Variants in SLC26A7 observed in about 807,000 individuals in gnomAD.
SLC26A7 encodes solute carrier family 26 member 7.
A neutral mutation model predicts 82.5 loss-of-function variants in SLC26A7; 59 were observed. That is an observed-to-expected ratio of 0.72 (90% CI 0.58 to 0.89). The LOEUF (loss-of-function observed/expected upper bound fraction) is 0.89, where lower values mean the gene tolerates loss of function less well. Ranked by LOEUF, SLC26A7 falls within the 40% of genes least tolerant of loss-of-function variation. The pLI, the probability that SLC26A7 is intolerant of heterozygous loss-of-function variation, is 0.00. For synonymous variants in SLC26A7, 271 were observed against 274.3 expected (o/e 0.99, Z 0.12); for missense variants, 820 against 793.0 (o/e 1.03, Z -0.41).
At chr8:91,225,407 G>A (rs1455143279) in intron 2 of SLC26A7, among the ~76,000 whole-genome samples, 1 of 152,010 alleles carries the variant, frequency 6.6e-6, no homozygotes, top group African/African-American at 2.4e-5. Context: ...CTTCTCTGGT[G>A]GGAGGGGATT....
intron 2 of SLC26A7, among the ~76,000 whole-genome samples, chr8:91,255,135 G>A (rs1810766060): frequency 1.3e-5 from 2 of 152,058 alleles, no homozygotes; most frequent in Non-Finnish European, 1.5e-5. Context: ...GCACTGGGGT[G>A]GAATATGAGA....
At chr8:91,218,909 A>C (rs1223740603) in exon 2 of SLC26A7, 1 of 1,549,748 alleles carries the variant, frequency 6.5e-7, no homozygotes. Flanking sequence ...ATAAGCAAGA[A>C]TCTGAAGCTG....
chr8:91,302,086 A>C (rs1439825697), intron 4 of SLC26A7, among the ~76,000 whole-genome samples: 4 of 151,972 alleles, frequency 2.6e-5, no homozygotes, highest in Non-Finnish European at 4.4e-5. Flanking sequence ...AGTTTATGTT[A>C]CCTAATTTAC....
intron 2 of SLC26A7, among the ~76,000 whole-genome samples, chr8:91,227,479 A>C (rs1468012953): frequency 2.0e-5 from 3 of 152,296 alleles, no homozygotes; most frequent in African/African-American, 7.2e-5. Flanking sequence ...AGTTATTAAG[A>C]GTAATTCAAA....
chr8:91,354,895 C>A (rs1241467574), intron 11 of SLC26A7, among the ~76,000 whole-genome samples: 1 of 151,762 alleles, frequency 6.6e-6, no homozygotes, highest in African/African-American at 2.4e-5. Flanking sequence ...TTAGTGGTTA[C>A]CTTTAATCTT....
intron 2 of SLC26A7, among the ~76,000 whole-genome samples, chr8:91,232,301 G>C (rs1810320304): frequency 6.6e-6 from 1 of 152,000 alleles, no homozygotes; most frequent in Non-Finnish European, 1.5e-5. Context: ...TTATGAATGA[G>C]AATTCTAATA....
At chr8:91,394,942 A>C (rs1808528788) in intron 18 of SLC26A7, 120 bp from the exon 19 acceptor site, 1 of 1,182,796 alleles carries the variant, frequency 8.5e-7, no homozygotes, top group African/African-American at 1.5e-5. Flanking sequence ...GCCTCATAAA[A>C]GGTTCATTTT....
intron 9 of SLC26A7, among the ~76,000 whole-genome samples, chr8:91,351,448 A>G (rs776644935): frequency 7.2e-5 from 11 of 152,298 alleles, no homozygotes; most frequent in Non-Finnish European, 1.2e-4. Flanking sequence ...TAAGGAGGGG[A>G]GTCAGGCTAA....
At chr8:91,393,752 G>A in intron 16 of SLC26A7, 45 bp from the exon 17 acceptor site, 1 of 1,592,644 alleles carries the variant, frequency 6.3e-7, no homozygotes, top group Non-Finnish European at 8.6e-7. Flanking sequence ...TCCTCCTGCT[G>A]GCTATTCTGA....
At chr8:91,323,500 C>T (rs1812848977) in intron 5 of SLC26A7, among the ~76,000 whole-genome samples, 1 of 152,106 alleles carries the variant, frequency 6.6e-6, no homozygotes, top group Admixed American at 6.6e-5. Flanking sequence ...GGCTGGATGC[C>T]ACCTGGACCT....
rs566026794 is a variant in SLC26A7, at chr8:91,230,288, A to C, written c.-34+11283A>C. ...TACATAGAAACATTGGTTAGCTGCC[A>C]GTTATGTTCTAGACAAAGTCCAAAC... is the stretch of plus-strand genomic sequence containing the variant. On this transcript the variant is annotated intron_variant, in intron 2 of 5. Transcript: ENST00000522862. Among the ~76,000 whole-genome samples, 5 of 152,322 alleles carry C rather than the reference A, an allele frequency of 3.3e-5. No individual in the cohort carries two copies. In the East Asian group the frequency reaches 7.7e-4, roughly 23 times the overall value.
chr8:91,279,791 C>A (rs912672698), intron 2 of SLC26A7, among the ~76,000 whole-genome samples: 2 of 152,128 alleles, frequency 1.3e-5, no homozygotes, highest in African/African-American at 4.8e-5. Flanking sequence ...GATCTCCTGA[C>A]CTCGTGTGCA....
chr8:91,299,931 A>T (rs1407104004), intron 4 of SLC26A7, among the ~76,000 whole-genome samples: 2 of 152,246 alleles, frequency 1.3e-5, no homozygotes, highest in Non-Finnish European at 2.9e-5. Context: ...GAATCATTAA[A>T]ATAATGTTAA....
intron 2 of SLC26A7, among the ~76,000 whole-genome samples, chr8:91,271,590 CTTTT>C (rs67904308): frequency 0.11 from 12,124 of 113,248 alleles, 413 homozygotes; most frequent in Middle Eastern, 0.22. Flanking sequence ...CTAGAGAAAT[CTTTT>C]TTTTTTTTTT....
intron 1 of SLC26A7, chr8:91,209,572 G>A (rs908747501): frequency 8.5e-5 from 13 of 152,248 alleles, no homozygotes; most frequent in African/African-American, 2.4e-4. Flanking sequence ...TTCTTTGGAC[G>A]TGAGGAAGGC....
chr8:91,353,112 T>C, intron 11 of SLC26A7, 116 bp downstream of exon 11: 1 of 567,486 alleles, frequency 1.8e-6, no homozygotes, highest in Non-Finnish European at 2.9e-6. Flanking sequence ...CTTGTACACT[T>C]TACAAACTAC....
chr8:91,301,252 A>ATG (rs1171801544), intron 4 of SLC26A7, among the ~76,000 whole-genome samples: 1 of 152,028 alleles, frequency 6.6e-6, no homozygotes, highest in Non-Finnish European at 1.5e-5. Flanking sequence ...TTTCTTCTTA[A>ATG]CGTCCCTTCT....
intron 2 of SLC26A7, among the ~76,000 whole-genome samples, chr8:91,279,128 T>TATATAC (rs1811489807): frequency 8.3e-5 from 1 of 12,100 alleles, no homozygotes; most frequent in African/African-American, 1.6e-4. Context: ...TGTGTGTGTA[T>TATATAC]ATATATATAT....
intron 5 of SLC26A7, among the ~76,000 whole-genome samples, chr8:91,331,480 A>G (rs1000248620): frequency 1.3e-5 from 2 of 152,260 alleles, no homozygotes; most frequent in Non-Finnish European, 1.5e-5. Flanking sequence ...TATCTTTGTA[A>G]CAAGGTCTTT....
Sources: allele counts gnomAD v4.1 joint callset (sites outside exome capture counted in the v4.1 genomes callset), GRCh38; gene constraint gnomAD v4.1.1; transcripts MANE v1.5; gene names NCBI Gene and HGNC (gene_info 2026-07-23, HGNC 2026-07-21).